Variants in BICRAL observed in about 807,000 individuals in gnomAD.
BICRAL encodes the protein BRD4-interacting chromatin-remodeling complex-associated protein-like.
In BICRAL, 8 loss-of-function variants were observed where a neutral mutation model predicts 91.8. That is an observed-to-expected ratio of 0.09 (90% CI 0.05 to 0.16). The LOEUF is 0.16. BICRAL is among the 10% of genes least tolerant of loss of function. The pLI, the probability that BICRAL is intolerant of heterozygous loss-of-function variation, is 1.00. For missense variants in BICRAL, 1,038 were observed against 1,310.9 expected (o/e 0.79, Z 3.21); for synonymous variants, 445 against 491.1 (o/e 0.91, Z 1.24).
At chr6:42,857,610 A>ATAT (rs1315041878) in intron 10 of BICRAL, among the ~76,000 whole-genome samples, 2 of 100,412 alleles carry the variant, frequency 2.0e-5, no homozygotes, top group East Asian at 4.5e-4. Flanking sequence ...TAAAAAAAAA[A>ATAT]AAAAATATAT....
intron 1 of BICRAL, among the ~76,000 whole-genome samples, chr6:42,748,230 T>C (rs1183472489): frequency 2.0e-5 from 3 of 152,130 alleles, no homozygotes; most frequent in Admixed American, 2.0e-4. Flanking sequence ...AGCTGCTTTA[T>C]TTTATGAAAT....
At chr6:42,783,708 C>T (rs1763010431) in intron 1 of BICRAL, among the ~76,000 whole-genome samples, 1 of 152,208 alleles carries the variant, frequency 6.6e-6, no homozygotes, top group South Asian at 2.1e-4. Context: ...AGGGCTGGGG[C>T]CAGCTTCTTC....
At chr6:42,831,384 C>A (rs944306722) in intron 6 of BICRAL, among the ~76,000 whole-genome samples, 1 of 152,082 alleles carries the variant, frequency 6.6e-6, no homozygotes, top group Non-Finnish European at 1.5e-5. Flanking sequence ...AGGGAGAGAT[C>A]GAGGCACTCT....
chr6:42,862,119 C>T (rs973438678), intron 11 of BICRAL, among the ~76,000 whole-genome samples: 1 of 152,022 alleles, frequency 6.6e-6, no homozygotes, highest in Non-Finnish European at 1.5e-5. Context: ...GATGGATCAC[C>T]TGAGGTCAAG....
intron 1 of BICRAL, among the ~76,000 whole-genome samples, chr6:42,782,302 C>A (rs561691003): frequency 2.9e-5 from 4 of 138,620 alleles, no homozygotes; most frequent in African/African-American, 8.4e-5. Context: ...AGGTTTCAGC[C>A]CAGAGAGCTA....
At chr6:42,845,799 C>T (rs1764989239) in intron 6 of BICRAL, among the ~76,000 whole-genome samples, 1 of 151,244 alleles carries the variant, frequency 6.6e-6, no homozygotes, top group Non-Finnish European at 1.5e-5. Context: ...CGCGGTGGCT[C>T]ACGCTTATAA....
chr6:42,814,675 G>A (rs569242971), intron 2 of BICRAL, among the ~76,000 whole-genome samples: 44 of 150,200 alleles, frequency 2.9e-4, no homozygotes, highest in Non-Finnish European at 1.0e-4. Flanking sequence ...ACAGGCATGC[G>A]CCACCATGGT....
intron 1 of BICRAL, among the ~76,000 whole-genome samples, chr6:42,756,907 T>C (rs1157227564): frequency 3.8e-5 from 4 of 103,968 alleles, no homozygotes; most frequent in Non-Finnish European, 8.1e-5. Flanking sequence ...TCTCTCTCTC[T>C]CTCTCTCCCT....
chr6:42,815,613 T>A (rs980800055), intron 2 of BICRAL, among the ~76,000 whole-genome samples: 2 of 152,154 alleles, frequency 1.3e-5, no homozygotes, highest in Non-Finnish European at 2.9e-5. Flanking sequence ...GGAAAAAAAA[T>A]TAATACACTG....
At chr6:42,764,851 G>C (rs1192229798) in intron 1 of BICRAL, among the ~76,000 whole-genome samples, 1 of 152,066 alleles carries the variant, frequency 6.6e-6, no homozygotes, top group African/African-American at 2.4e-5. Flanking sequence ...AGTAGAGACG[G>C]GATTTTACCG....
chr6:42,857,650 A>G (rs1765424886), intron 10 of BICRAL, among the ~76,000 whole-genome samples: 1 of 136,890 alleles, frequency 7.3e-6, no homozygotes, highest in South Asian at 2.2e-4. Context: ...TTAGGAGGGT[A>G]CCCTAATGTC....
At chr6:42,808,881 C>T (rs950456970) in intron 1 of BICRAL, among the ~76,000 whole-genome samples, 1 of 152,060 alleles carries the variant, frequency 6.6e-6, no homozygotes, top group African/African-American at 2.4e-5. Context: ...TGTCAGTATC[C>T]AAAACAAGCC....
intron 10 of BICRAL, among the ~76,000 whole-genome samples, chr6:42,858,558 C>T (rs1765457368): frequency 6.7e-6 from 1 of 150,090 alleles, no homozygotes; most frequent in Admixed American, 6.7e-5. Context: ...TGTCTCACAC[C>T]TGTAATCCCA....
rs1327942646 is a variant in BICRAL at position 42,867,226 on chromosome 6, T to A, written c.*1780T>A. 5.5e-6 allele frequency: 1 copy of A among 183,062 alleles called. No homozygotes were observed. Among genetic ancestry groups the A allele is most frequent in the Non-Finnish European group, 1.2e-5 (1 of 85,976 alleles). The allele number at this position is 183,062 out of a possible 1,614,324, so 11.3% of individuals were successfully genotyped here. On this transcript the variant is annotated 3_prime_UTR_variant, in exon 13 of 13. Transcript: ENST00000314073. Reference sequence around the variant, plus strand: ...CAGCAACAGAAGACCTATACCCCGGTGCCCCTGTGTCCCACTACACACAGA... The same window carrying A: ...CAGCAACAGAAGACCTATACCCCGGAGCCCCTGTGTCCCACTACACACAGA...
intron 3 of BICRAL, among the ~76,000 whole-genome samples, chr6:42,822,416 GT>G (rs557170460): frequency 1.1e-3 from 146 of 137,196 alleles, no homozygotes; most frequent in Admixed American, 2.9e-3. Context: ...AATTTTTTGT[GT>G]TTTTTTTTTT....
At chr6:42,855,700 GTTT>G (rs371639297) in intron 8 of BICRAL, among the ~76,000 whole-genome samples, 153 bp from the exon 9 acceptor site, 1 of 144,798 alleles carries the variant, frequency 6.9e-6, no homozygotes, top group African/African-American at 2.5e-5. Flanking sequence ...CTGTGTACTG[GTTT>G]TTTTTTTTTT....
chr6:42,754,524 T>C (rs1380394600), intron 1 of BICRAL, among the ~76,000 whole-genome samples: 1 of 152,226 alleles, frequency 6.6e-6, no homozygotes, highest in Admixed American at 6.5e-5. Context: ...TTGAAACAGA[T>C]GTTTTAAGAA....
chr6:42,814,521 T>TA (rs1562475045), intron 2 of BICRAL, among the ~76,000 whole-genome samples: 2,265 of 33,594 alleles, frequency 0.067, 39 homozygotes, highest in Non-Finnish European at 0.09. Context: ...ATATATATAT[T>TA]TTTTTTTTTT....
chr6:42,840,165 A>AG (rs1312623966), intron 6 of BICRAL, among the ~76,000 whole-genome samples: 3 of 152,190 alleles, frequency 2.0e-5, no homozygotes, highest in African/African-American at 7.2e-5. Flanking sequence ...CCTTCCAAAT[A>AG]GGATTACAGG....
Sources: allele counts gnomAD v4.1 joint callset (sites outside exome capture counted in the v4.1 genomes callset), GRCh38; gene constraint gnomAD v4.1.1; transcripts MANE v1.5; gene names NCBI Gene and HGNC (gene_info 2026-07-23, HGNC 2026-07-21).